Variants in TRIML1 observed in about 807,000 individuals in gnomAD.
TRIML1 encodes probable E3 ubiquitin-protein ligase TRIML1.
A neutral mutation model predicts 32.3 loss-of-function variants in TRIML1; 34 were observed. The observed-to-expected ratio is 1.05, with a 90% CI of 0.80 to 1.40. The LOEUF is 1.40. Among genes scored for constraint, TRIML1 ranks in the 40% most tolerant of loss-of-function variants. The pLI is 0.00. For missense variants in TRIML1, 595 were observed against 574.9 expected (o/e 1.03, Z -0.36); for synonymous variants, 244 against 226.6 (o/e 1.08, Z -0.69).
chr4:188,146,822 C>G lies in TRIML1; in HGVS notation c.857C>G (p.Thr286Arg), dbSNP rs779588753. Residue 286 changes from threonine (T) to arginine (R), a missense_variant and splice_region_variant, in exon 6 of 6, where the codon ACG becomes AGG. Transcript: ENST00000332517. Reference sequence around the variant, plus strand: ...AATCTCTTCTTTCCTCCTCTTGCAGCGGAGATAACGCTGGACCCAGCCACA... The same window carrying G: ...AATCTCTTCTTTCCTCCTCTTGCAGGGGAGATAACGCTGGACCCAGCCACA... ...GMKEMLRKFS[T>R]EITLDPATAN... The G allele has an allele frequency of 7.4e-6, 10 of 1,357,588 alleles. No homozygotes were observed. Among genetic ancestry groups the G allele is most frequent in the Non-Finnish European group, 9.5e-7 (1 of 1,048,758 alleles). The allele number at this position is 1,357,588 out of a possible 1,614,324, so 84.1% of individuals were successfully genotyped here. A position where few individuals can be genotyped will look rare whatever the true frequency, so the allele number is the denominator to read the frequency against.
chr4:188,143,573 G>C, intron 3 of TRIML1: 2 of 493,280 alleles, frequency 4.1e-6, no homozygotes, highest in Non-Finnish European at 3.7e-6. Flanking sequence ...CTTGTTTGCA[G>C]AACAGGTTCC....
intron 3 of TRIML1, 139 bp from the exon 4 acceptor site, chr4:188,143,694 TTTCTC>T: frequency 1.0e-6 from 1 of 965,094 alleles, no homozygotes; most frequent in South Asian, 1.5e-5. Context: ...TGGGGACGCT[TTTCTC>T]TGCTCTCTGT....
chr4:188,147,064 A>C lies in TRIML1; in HGVS notation c.1099A>C (p.Asn367His), dbSNP rs760359489. 1 of 1,613,320 alleles carries C rather than the reference A, an allele frequency of 6.2e-7. No homozygotes were observed. The highest frequency in any genetic ancestry group is 2.2e-5 in the East Asian group (1 of 44,848). ...CAAGGACTCTGTGAGCAGAAAGGGG[A>C]ATCTCCCCAAGCCACCTGGGGACCT... ...ICKDSVSRKG[N>H]LPKPPGDLFS... The change falls in exon 6 of 6, where the codon AAT (asparagine) becomes CAT (histidine). Residue 367 changes from asparagine (N) to histidine (H), a missense_variant. Coordinates refer to ENST00000332517, the MANE Select transcript of TRIML1 (RefSeq NM_178556.5).
chr4:188,140,455 T>C, intron 1 of TRIML1, 73 bp from the exon 2 acceptor site: 6 of 1,215,750 alleles, frequency 4.9e-6, no homozygotes, highest in Non-Finnish European at 6.1e-6. Flanking sequence ...GACTGCGCAG[T>C]TACTGGTCTT....
At chr4:188,150,314 AG>A (rs532364486), downstream of TRIML1, among the ~76,000 whole-genome samples, 18 of 151,764 alleles carry the variant, frequency 1.2e-4, no homozygotes, top group African/African-American at 3.4e-4. Context: ...TTTTTAATAG[AG>A]ATGGGGTTTT....
chr4:188,140,664 A>G lies in TRIML1; in HGVS notation c.504+41A>G, dbSNP rs111987767. On this transcript the variant is annotated intron_variant, in intron 2 of 5. Coordinates refer to ENST00000332517, the MANE Select transcript of TRIML1 (RefSeq NM_178556.5). ...ACTTTTGCTGCTTGTATATGACCCC[A>G]TAAGGGGGACTAAAGGGAAATTTAG... 0.025 allele frequency: 34,371 copies of G among 1,392,654 alleles called. 604 individuals carry two copies. The highest frequency in any genetic ancestry group is 0.049 in the African/African-American group (3,398 of 69,836). The allele number at this position is 1,392,654 out of a possible 1,614,324, so 86.3% of individuals were successfully genotyped here.
At chr4:188,139,215 C>G (rs879938802), upstream of TRIML1, among the ~76,000 whole-genome samples, 2 of 152,166 alleles carry the variant, frequency 1.3e-5, no homozygotes, top group Non-Finnish European at 2.9e-5. Flanking sequence ...TCACATGGTT[C>G]CACAGTGCTG....
chr4:188,143,944 C>A (rs1173917844), intron 4 of TRIML1, 84 bp downstream of exon 4: 34 of 1,606,184 alleles, frequency 2.1e-5, no homozygotes, highest in Non-Finnish European at 2.6e-5. Flanking sequence ...AGGAGGTCTG[C>A]GCTGTTGCTG....
upstream of TRIML1, among the ~76,000 whole-genome samples, chr4:188,137,784 C>A (rs11723673): frequency 0.13 from 18,978 of 151,184 alleles, 1,460 homozygotes; most frequent in South Asian, 0.3. Flanking sequence ...GCCTAATTTT[C>A]ATATTTTTAG....
In TRIML1 at chr4:188,145,474, AAAG is replaced by A. The variant is rs1191895272; in HGVS notation, c.856+1342_856+1344del. On this transcript the variant is annotated intron_variant, in intron 5 of 5. Coordinates refer to ENST00000332517, the MANE Select transcript of TRIML1 (RefSeq NM_178556.5). ...AAAAAAAAAAAAAAAAAAAAAAAAA[AAAG>A]TCAGAAATGGAATGACTGGGGTACC... Among the ~76,000 whole-genome samples, 36 of 26,428 alleles carry A rather than the reference AAAG, an allele frequency of 1.4e-3. 7 individuals carry two copies. The highest frequency in any genetic ancestry group is 2.2e-3 in the African/African-American group (15 of 6,928). The allele number at this position is 26,428 out of a possible 152,430, so 17.3% of individuals were successfully genotyped here.
At chr4:188,144,833 C>A (rs564099873) in intron 5 of TRIML1, among the ~76,000 whole-genome samples, 15 of 152,182 alleles carry the variant, frequency 9.9e-5, no homozygotes, top group African/African-American at 3.6e-4. Flanking sequence ...ACGAACTGTC[C>A]TTGTAGAATG....
Position 188,147,525 on chromosome 4 carries a change from C to T in TRIML1, c.*153C>T, listed in dbSNP as rs1735135719. The stretch of plus-strand genomic sequence containing the variant: ...CCAAGAGTTTCCATTAACTTGATCC[C>T]ATTATGAACAGCCACATTACACAAT... On this transcript the variant is annotated 3_prime_UTR_variant, in exon 6 of 6. Coordinates refer to ENST00000332517, the MANE Select transcript of TRIML1 (RefSeq NM_178556.5). 5.9e-6 allele frequency: 3 copies of T among 505,804 alleles called. No individual in the cohort carries two copies. The highest frequency in any genetic ancestry group is 2.0e-5 in the African/African-American group (1 of 51,154). 31.3% of individuals were successfully genotyped at this position (505,804 alleles called of 1,614,324 possible).
intron 5 of TRIML1, among the ~76,000 whole-genome samples, chr4:188,145,437 G>A (rs1395044958): frequency 1.2e-5 from 1 of 82,000 alleles, no homozygotes; most frequent in Non-Finnish European, 2.4e-5. Context: ...GCGAGACTCC[G>A]TCTCAAAAAA....
chr4:188,148,966 T>C (rs746969366), downstream of TRIML1, among the ~76,000 whole-genome samples: 17 of 133,398 alleles, frequency 1.3e-4, no homozygotes, highest in Non-Finnish European at 2.1e-4. Flanking sequence ...CAGGCTGGAG[T>C]GCAGTGGCGC....
At chr4:188,142,207 CGTGTGTGTGTGTGTGTGT>C (rs61461219) in intron 2 of TRIML1, 27 bp from the exon 3 acceptor site, 215 of 1,014,470 alleles carry the variant, frequency 2.1e-4, no homozygotes, top group African/African-American at 4.2e-4. Flanking sequence ...AACTTTATCT[CGTGTGTGTGTGTGTGTGT>C]GTGTGTGTGT....
intron 5 of TRIML1, among the ~76,000 whole-genome samples, chr4:188,145,090 A>C (rs2111235217): frequency 6.6e-6 from 1 of 152,238 alleles, no homozygotes; most frequent in Non-Finnish European, 1.5e-5. Context: ...GAAGGCATTA[A>C]TCACACAGAT....
rs925386534 is a variant in TRIML1, at chr4:188,147,306, C to T, written c.1341C>T (p.Pro447=). Residue 447 remains proline (P), a synonymous_variant, in exon 6 of 6, where the codon CCC becomes CCT. Coordinates refer to ENST00000332517, the MANE Select transcript of TRIML1 (RefSeq NM_178556.5). ...FQEALRPIFS[P]CLPNEGTNTD... ...AGGCCCTCAGGCCTATCTTTTCCCC[C>T]TGCCTCCCAAATGAGGGGACAAACA... The T allele has an allele frequency of 6.5e-7, 1 of 1,537,736 alleles. No homozygotes were observed. Among genetic ancestry groups the T allele is most frequent in the Non-Finnish European group, 8.7e-7 (1 of 1,144,486 alleles).
intron 3 of TRIML1, chr4:188,143,309 C>T (rs1734934767): frequency 6.3e-6 from 1 of 157,510 alleles, no homozygotes; most frequent in South Asian, 1.9e-4. Flanking sequence ...CCACCTTGGC[C>T]TCCCAAAAGG....
At chr4:188,139,027 G>A (rs909441874), upstream of TRIML1, among the ~76,000 whole-genome samples, 1 of 152,122 alleles carries the variant, frequency 6.6e-6, no homozygotes, top group Non-Finnish European at 1.5e-5. Flanking sequence ...GGGCTAATGA[G>A]AAAAGGACTA....
Sources: allele counts gnomAD v4.1 joint callset (sites outside exome capture counted in the v4.1 genomes callset), GRCh38; gene constraint gnomAD v4.1.1; transcripts MANE v1.5; gene names NCBI Gene and HGNC (gene_info 2026-07-23, HGNC 2026-07-21).